TMX4: variants seen among roughly 807,000 people sequenced by gnomAD.
TMX4 encodes thioredoxin-related transmembrane protein 4.
Under a neutral mutation model 33.3 loss-of-function variants are expected in TMX4, and 23 were observed. That is an observed-to-expected ratio of 0.69 (90% confidence interval 0.50 to 0.98). TMX4 has a LOEUF of 0.98. Ranked by LOEUF, TMX4 falls within the 50% of genes least tolerant of loss-of-function variation. The pLI, the probability that TMX4 is intolerant of heterozygous loss-of-function variation, is 0.00. For synonymous variants in TMX4, 164 were observed against 161.5 expected, an observed-to-expected ratio of 1.02 and a Z score of -0.12; for missense variants, 399 against 448.9, an observed-to-expected ratio of 0.89 and a Z score of 1.01.
At chr20:8,006,884 G>A (rs1049540288) in intron 2 of TMX4, among the ~76,000 whole-genome samples, 6 of 151,612 alleles carry the variant, frequency 4.0e-5, no homozygotes, top group African/African-American at 1.5e-4. Context: ...TCCTGCCTCA[G>A]CCTCCCAAGT....
Position 7,981,497 on chromosome 20 carries a change from A to G in TMX4, c.*754T>C, listed in dbSNP as rs1326045028. On this transcript the variant is annotated 3_prime_UTR_variant, in exon 8 of 8. Transcript: ENST00000246024. ...TCTGATGGCCACAACATTTCATTTGAGATGTTTGGCAGTCACAGCTTCAGG... is the reference window on the plus strand; with the variant it reads ...TCTGATGGCCACAACATTTCATTTGGGATGTTTGGCAGTCACAGCTTCAGG... The G allele has an allele frequency of 6.6e-6, 1 of 152,094 alleles. No homozygotes were observed. The highest frequency in any genetic ancestry group is 2.4e-5 in the African/African-American group (1 of 41,394). The allele number at this position is 152,094 out of a possible 1,614,324, so 9.4% of individuals were successfully genotyped here.
intron 1 of TMX4, among the ~76,000 whole-genome samples, chr20:8,011,303 A>C (rs983327297): frequency 7.9e-5 from 12 of 152,082 alleles, no homozygotes; most frequent in African/African-American, 2.7e-4. Context: ...TGCCAATAGA[A>C]TATAACACTC....
intron 3 of TMX4, among the ~76,000 whole-genome samples, chr20:8,001,087 C>A (rs2050705098): frequency 6.6e-6 from 1 of 152,148 alleles, no homozygotes; most frequent in African/African-American, 2.4e-5. Context: ...CATCACTCAG[C>A]ATGATCCAGC....
At chr20:8,005,447 T>C (rs963324856) in intron 2 of TMX4, among the ~76,000 whole-genome samples, 6 of 152,176 alleles carry the variant, frequency 3.9e-5, no homozygotes, top group African/African-American at 1.2e-4. Flanking sequence ...TTTGATGACA[T>C]TGGAGATGGG....
At chr20:7,993,443 C>G (rs1279083407) in intron 5 of TMX4, among the ~76,000 whole-genome samples, 1 of 152,146 alleles carries the variant, frequency 6.6e-6, no homozygotes, top group African/African-American at 2.4e-5. Flanking sequence ...GCTAAATGAG[C>G]TAACTGAGCA....
At position 8,014,676 on chromosome 20, in the gene TMX4, C is replaced by T. The variant is rs551713595; in HGVS notation, c.177-4361G>A. On this transcript the variant is annotated intron_variant, in intron 1 of 7. Transcript: ENST00000246024. Reference sequence around the variant, plus strand: ...GAGAAAGAATTTTCCTGGGGCATTGCGATGATGGGAAGGCAGGGCACCTGT... The same window carrying T: ...GAGAAAGAATTTTCCTGGGGCATTGTGATGATGGGAAGGCAGGGCACCTGT... Among the ~76,000 whole-genome samples the T allele has an allele frequency of 2.9e-4, 44 of 152,284 alleles. No homozygotes were observed. In the South Asian group the frequency reaches 6.6e-3, roughly 23 times the overall value.
chr20:8,005,816 A>G (rs1264360908), intron 2 of TMX4, among the ~76,000 whole-genome samples: 2 of 152,170 alleles, frequency 1.3e-5, no homozygotes. Context: ...AGGACAGCCC[A>G]GCCGCTGGGT....
In TMX4 at chr20:7,987,378, G is replaced by C. The variant is rs1375723414; in HGVS notation, c.525C>G (p.Asn175Lys). 1.3e-6 allele frequency: 2 copies of C among 1,577,844 alleles called. No individual in the cohort carries two copies. Among genetic ancestry groups the C allele is most frequent in the Non-Finnish European group, 8.5e-7 (1 of 1,170,444 alleles). Residue 175 changes from asparagine to lysine, a missense_variant, in exon 6 of 8, where the codon AAC becomes AAG. Transcript: ENST00000246024. Reference protein sequence around the residue: ...SISGKIWHLHNYFTVTLGIPA... With the variant: ...SISGKIWHLHKYFTVTLGIPA... ...GAATTCCAAGAGTCACTGTGAAATAGTTGTGAAGATGCTGGAATCAGAAGA... is the reference window on the plus strand; with the variant it reads ...GAATTCCAAGAGTCACTGTGAAATACTTGTGAAGATGCTGGAATCAGAAGA...
intron 2 of TMX4, among the ~76,000 whole-genome samples, chr20:8,004,559 T>C (rs1051842670): frequency 6.6e-6 from 1 of 152,048 alleles, no homozygotes; most frequent in Non-Finnish European, 1.5e-5. Context: ...CAACATAAAG[T>C]AGGCACAAAC....
At chr20:7,996,863 TTACTC>T (rs1211468065) in intron 4 of TMX4, among the ~76,000 whole-genome samples, 3 of 152,070 alleles carry the variant, frequency 2.0e-5, no homozygotes, top group Non-Finnish European at 2.9e-5. Context: ...TTTCTCCAGA[TTACTC>T]TACACATGCT....
intron 1 of TMX4, among the ~76,000 whole-genome samples, chr20:8,012,532 T>C (rs948826207): frequency 1.3e-5 from 2 of 152,044 alleles, no homozygotes; most frequent in East Asian, 3.9e-4. Flanking sequence ...TCAAGGAATA[T>C]AAAACTTCAA....
At chr20:8,019,302 A>C in intron 1 of TMX4, 136 bp downstream of exon 1, 2 of 1,064,592 alleles carry the variant, frequency 1.9e-6, no homozygotes, top group East Asian at 3.3e-5. Context: ...CCGGCGCCGC[A>C]GGTTGTTGGC....
Position 7,982,464 on chromosome 20 carries a change from T to C in TMX4, c.837A>G (p.Glu279=). 6.2e-7 allele frequency: 1 copy of C among 1,614,136 alleles called. No individual in the cohort carries two copies. Among genetic ancestry groups the C allele is most frequent in the East Asian group, 2.2e-5 (1 of 44,860 alleles). ...DLGDEDEAEE[E]EEEDNLAAGV... ...CAGCAGCCAAGTTGTCCTCCTCCTCTTCTTCCTCTGCTTCATCCTCATCGC... is the reference window on the plus strand; with the variant it reads ...CAGCAGCCAAGTTGTCCTCCTCCTCCTCTTCCTCTGCTTCATCCTCATCGC... The change falls in exon 8 of 8, where the codon GAA becomes GAG. Residue 279 remains glutamate (E), a synonymous_variant. Coordinates refer to ENST00000246024, the MANE Select transcript of TMX4 (RefSeq NM_021156.4).
rs1163222013 is a variant in TMX4, at chr20:7,978,122, G to A, written c.*4129C>T. ...GATTTGAATGAATTCTTTCGAAAAT[G>A]TTGGTACATTTGACAGGATGGGTCA... is the stretch of plus-strand genomic sequence containing the variant. On this transcript the variant is annotated 3_prime_UTR_variant, in exon 8 of 8. Coordinates refer to ENST00000246024, the MANE Select transcript of TMX4 (RefSeq NM_021156.4). 6.6e-6 allele frequency: 1 copy of A among 152,172 alleles called. No homozygotes were observed. The highest frequency in any genetic ancestry group is 1.5e-5 in the Non-Finnish European group (1 of 68,040). The allele number at this position is 152,172 out of a possible 1,614,324, so 9.4% of individuals were successfully genotyped here.
At chr20:8,008,769 A>G (rs1034269294) in intron 2 of TMX4, among the ~76,000 whole-genome samples, 1 of 152,218 alleles carries the variant, frequency 6.6e-6, no homozygotes, top group African/African-American at 2.4e-5. Flanking sequence ...GCAAAAATGC[A>G]TCTGCAATGA....
chr20:7,983,687 T>TAA, intron 7 of TMX4, 107 bp downstream of exon 7: 1 of 728,282 alleles, frequency 1.4e-6, no homozygotes, highest in Non-Finnish European at 2.2e-6. Flanking sequence ...AGTGATTATT[T>TAA]GGTCACCTAG....
intron 5 of TMX4, among the ~76,000 whole-genome samples, chr20:7,988,411 A>C (rs1022500489): frequency 2.0e-5 from 3 of 152,224 alleles, no homozygotes; most frequent in Admixed American, 2.0e-4. Context: ...CAATTAAAAA[A>C]CATATTTTAT....
In TMX4 at chr20:7,980,393, G is replaced by GCT. The variant is rs1398730484; in HGVS notation, c.*1857_*1858insAG. ...AAAGAAATCCAGTGACACGAGGGCA[G>GCT]GCAGGCCCCGCTCTGCTCTGATCGA... On this transcript the variant is annotated 3_prime_UTR_variant, in exon 8 of 8. Transcript: ENST00000246024. 3.3e-5 allele frequency: 5 copies of GCT among 152,330 alleles called. No homozygotes were observed. Among genetic ancestry groups the GCT allele is most frequent in the African/African-American group, 1.2e-4 (5 of 41,570 alleles). The allele number at this position is 152,330 out of a possible 1,614,324, so 9.4% of individuals were successfully genotyped here. A position where few individuals can be genotyped will look rare whatever the true frequency, so the allele number is the denominator to read the frequency against.
At chr20:7,982,791 G>T (rs891237522) in intron 7 of TMX4, among the ~76,000 whole-genome samples, 170 bp from the exon 8 acceptor site, 2 of 152,114 alleles carry the variant, frequency 1.3e-5, no homozygotes, top group Non-Finnish European at 2.9e-5. Context: ...GCCCCATTTA[G>T]GGCTTCTCCA....
Sources: allele counts gnomAD v4.1 joint callset (sites outside exome capture counted in the v4.1 genomes callset), GRCh38; gene constraint gnomAD v4.1.1; transcripts MANE v1.5; gene names NCBI Gene and HGNC (gene_info 2026-07-23, HGNC 2026-07-21).